The following TMEM260 variants were observed in gnomAD, a reference collection of about 807,000 sequenced individuals.
TMEM260 encodes the protein protein O-mannosyl-transferase TMEM260.
A neutral mutation model predicts 88.9 loss-of-function variants in TMEM260; 82 were observed. The observed-to-expected ratio is 0.92, with a 90% CI of 0.77 to 1.11. TMEM260 has a LOEUF of 1.11. Ranked by LOEUF, TMEM260 falls within the 50% of genes least tolerant of loss-of-function variation. The pLI is 0.00. For missense variants in TMEM260, 902 were observed against 853.4 expected, an observed-to-expected ratio of 1.06 and a Z score of -0.71; for synonymous variants, 314 against 309.3, an observed-to-expected ratio of 1.02 and a Z score of -0.16.
At chr14:56,623,264 C>T (rs1396137851) in intron 11 of TMEM260, among the ~76,000 whole-genome samples, 2 of 152,176 alleles carry the variant, frequency 1.3e-5, no homozygotes, top group Non-Finnish European at 2.9e-5. Flanking sequence ...ATAATATGAG[C>T]AGTTCAGGGA....
intron 1 of TMEM260, among the ~76,000 whole-genome samples, chr14:56,581,158 C>T (rs1885106427): frequency 6.6e-6 from 1 of 152,208 alleles, no homozygotes; most frequent in Non-Finnish European, 1.5e-5. Context: ...CTCTGTCTGA[C>T]AGCTCTGTCA....
chr14:56,634,339 T>G (rs1022281761), intron 13 of TMEM260, among the ~76,000 whole-genome samples: 3 of 152,244 alleles, frequency 2.0e-5, no homozygotes, highest in East Asian at 3.8e-4. Context: ...CCAGAGACTT[T>G]CAATGTCTTC....
chr14:56,585,643 A>C (rs1219856963), intron 2 of TMEM260, 118 bp from the exon 3 acceptor site: 2 of 902,332 alleles, frequency 2.2e-6, no homozygotes, highest in East Asian at 5.0e-5. Flanking sequence ...TCAAACATTT[A>C]GTCATTGGTG....
intron 7 of TMEM260, among the ~76,000 whole-genome samples, chr14:56,614,989 A>T (rs1281050892): frequency 6.6e-6 from 1 of 152,252 alleles, no homozygotes; most frequent in Non-Finnish European, 1.5e-5. Context: ...AACCTTAGGC[A>T]GTGACCATCT....
rs1274594548 is a variant in TMEM260 at position 56,579,844 on chromosome 14, G to C, written c.-71G>C. 5.8e-6 allele frequency: 7 copies of C among 1,216,380 alleles called. No individual in the cohort carries two copies. Among genetic ancestry groups the C allele is most frequent in the Non-Finnish European group, 7.2e-6 (7 of 974,486 alleles). 75.3% of individuals were successfully genotyped at this position (1,216,380 alleles called of 1,614,324 possible). On this transcript the variant is annotated 5_prime_UTR_variant, in exon 1 of 16. Coordinates refer to ENST00000261556, the MANE Select transcript of TMEM260 (RefSeq NM_017799.4). ...GCCGCACAAGCTGCGCTCGTCTCTC[G>C]GCTGGGGAGCTCCGTGTCGCACCGG... is the stretch of plus-strand genomic sequence containing the variant.
chr14:56,591,035 C>G (rs1885821851), intron 3 of TMEM260, among the ~76,000 whole-genome samples: 1 of 152,222 alleles, frequency 6.6e-6, no homozygotes, highest in South Asian at 2.1e-4. Flanking sequence ...CTCATATTTG[C>G]ACAGCTACTG....
intron 9 of TMEM260, among the ~76,000 whole-genome samples, chr14:56,618,334 T>C (rs3737168): frequency 1.3e-5 from 2 of 151,914 alleles, no homozygotes; most frequent in East Asian, 3.9e-4. Flanking sequence ...ATTACTGGAG[T>C]TCAAGACTAA....
At chr14:56,585,991 A>C in intron 3 of TMEM260, 79 bp downstream of exon 3, 1 of 1,447,922 alleles carries the variant, frequency 6.9e-7, no homozygotes, top group South Asian at 1.3e-5. Context: ...CATACATTAA[A>C]AAAATCTTTT....
At chr14:56,606,338 G>A (rs1397103276) in intron 5 of TMEM260, among the ~76,000 whole-genome samples, 1 of 151,996 alleles carries the variant, frequency 6.6e-6, no homozygotes, top group African/African-American at 2.4e-5. Flanking sequence ...CACTAGAGTC[G>A]TTTTACCTTA....
chr14:56,636,374 A>G, intron 14 of TMEM260, 134 bp from the exon 15 acceptor site: 1 of 687,520 alleles, frequency 1.5e-6, no homozygotes, highest in Non-Finnish European at 2.5e-6. Flanking sequence ...GTCCATGAAT[A>G]TGAGAGAATT....
chr14:56,636,223 CATAACA>C (rs1377165787), intron 14 of TMEM260, among the ~76,000 whole-genome samples: 1 of 145,680 alleles, frequency 6.9e-6, no homozygotes, highest in African/African-American at 2.7e-5. Context: ...GCTTCTCTTG[CATAACA>C]ATAACATACA....
At chr14:56,593,523 A>G (rs1885996973) in intron 3 of TMEM260, among the ~76,000 whole-genome samples, 2 of 151,882 alleles carry the variant, frequency 1.3e-5, no homozygotes, top group African/African-American at 2.4e-5. Flanking sequence ...AATTATTTAT[A>G]TAAAACAAAA....
At position 56,603,954 on chromosome 14, in the gene TMEM260, C is replaced by T. The variant is rs745478884; in HGVS notation, c.484C>T (p.His162Tyr). ...GGGGCTGCTTATGGCTCTTACTGTA[C>T]ATTTTGAGGAAGCAGCAACTGCTAA... ...FVGLLMALTV[H>Y]FEEAATAKER... Residue 162 changes from histidine to tyrosine, a missense_variant, in exon 4 of 16, where the codon CAT becomes TAT. His to Tyr is a moderately conservative substitution (Grantham distance 83, BLOSUM62 2). Transcript: ENST00000261556. The T allele has an allele frequency of 4.4e-6, 7 of 1,597,544 alleles. No individual in the cohort carries two copies. The highest frequency in any genetic ancestry group is 1.8e-5 in the Admixed American group (1 of 55,704).
At chr14:56,645,519 G>C (rs1332951161) in intron 15 of TMEM260, among the ~76,000 whole-genome samples, 1 of 151,986 alleles carries the variant, frequency 6.6e-6, no homozygotes, top group Non-Finnish European at 1.5e-5. Context: ...GGGAGGGATA[G>C]CATTAGGAGA....
At chr14:56,659,277 A>G in the TMEM260 span, among the ~76,000 whole-genome samples, 1 of 109,942 alleles carries the variant, frequency 9.1e-6, no homozygotes. Context: ...TTTTTTTTTT[A>G]GTTTTAAAAG....
At chr14:56,639,345 G>C (rs1889384055) in intron 15 of TMEM260, among the ~76,000 whole-genome samples, 1 of 152,170 alleles carries the variant, frequency 6.6e-6, no homozygotes, top group African/African-American at 2.4e-5. Context: ...ATAAATGCTT[G>C]AGGTGATGGA....
At chr14:56,596,423 T>TACACAC (rs1429563079) in intron 3 of TMEM260, among the ~76,000 whole-genome samples, 1 of 139,210 alleles carries the variant, frequency 7.2e-6, no homozygotes, top group African/African-American at 2.7e-5. Flanking sequence ...TATATATATA[T>TACACAC]ATACATACAC....
chr14:56,611,094 G>A (rs568052834), intron 6 of TMEM260, among the ~76,000 whole-genome samples: 90 of 151,558 alleles, frequency 5.9e-4, no homozygotes, highest in Non-Finnish European at 9.4e-4. Flanking sequence ...AGCCTCCTGA[G>A]TAGCTGGGAT....
downstream of TMEM260, among the ~76,000 whole-genome samples, chr14:56,654,185 G>C (rs1248636356): frequency 6.6e-6 from 1 of 151,912 alleles, no homozygotes; most frequent in African/African-American, 2.4e-5. Flanking sequence ...CCTGGCTTTT[G>C]ACTGAAAATT....
Sources: allele counts gnomAD v4.1 joint callset (sites outside exome capture counted in the v4.1 genomes callset), GRCh38; gene constraint gnomAD v4.1.1; transcripts MANE v1.5; gene names NCBI Gene and HGNC (gene_info 2026-07-23, HGNC 2026-07-21).